SAGE1: variants seen among roughly 807,000 people sequenced by gnomAD.
SAGE1 encodes the protein sarcoma antigen 1.
A neutral mutation model predicts 55.4 loss-of-function variants in SAGE1; 55 were observed. The ratio of observed to expected loss-of-function variants is 0.99; its 90% CI spans 0.80 to 1.24. The LOEUF (loss-of-function observed/expected upper bound fraction) is 1.24. SAGE1 is among the 50% of genes most tolerant of loss of function. The pLI is 0.00. For missense variants in SAGE1, 710 were observed against 704.4 expected, an observed-to-expected ratio of 1.01 and a Z score of -0.09; for synonymous variants, 240 against 244.3, an observed-to-expected ratio of 0.98 and a Z score of 0.17.
chrX:135,911,912 T>G lies in SAGE1; in HGVS notation c.2480T>G (p.Ile827Arg), dbSNP rs1157580538. 7.5e-6 allele frequency: 9 copies of G among 1,207,783 alleles called. No homozygotes were observed. Among genetic ancestry groups the G allele is most frequent in the Non-Finnish European group, 1.0e-5 (9 of 893,271 alleles). Reference protein sequence around the residue: ...PAMAKKINDDIKYQLMKEVRR... With the variant: ...PAMAKKINDDRKYQLMKEVRR... ...ATGGCAAAGAAAATTAATGATGATA[T>G]AAAATATCAATTAATGAAAGAAGTT... Residue 827 changes from isoleucine (I) to arginine (R), a missense_variant, in exon 18 of 20, where the codon ATA (isoleucine) becomes AGA (arginine). Coordinates refer to ENST00000370709, the MANE Select transcript of SAGE1 (RefSeq NM_001381902.1).
At position 135,911,776 on chromosome X, in the gene SAGE1, A is replaced by G. The variant is rs2088902910; in HGVS notation, c.2344A>G (p.Asn782Asp). 8.3e-7 allele frequency: 1 copy of G among 1,209,656 alleles called. No individual in the cohort carries two copies. Among genetic ancestry groups the G allele is most frequent in the African/African-American group, 1.7e-5 (1 of 57,250 alleles). ...KDELLYKPDS[N>D]EFAVGTKNYS... ...TGAGCTGCTTTACAAACCTGATAGT[A>G]ATGAATTTGCGGTAGGCACCAAAAA... is the stretch of plus-strand genomic sequence containing the variant. The change falls in exon 18 of 20, where the codon AAT (asparagine) becomes GAT (aspartate). Residue 782 changes from asparagine (N) to aspartate (D), a missense_variant. Physicochemically the swap from Asn to Asp is conservative, Grantham distance 23. Coordinates refer to ENST00000370709, the MANE Select transcript of SAGE1 (RefSeq NM_001381902.1).
Position 135,912,406 on chromosome X carries a change from A to G in SAGE1, c.2607A>G (p.Glu869=). The change falls in exon 19 of 20, where the codon GAA becomes GAG. Residue 869 remains glutamate, a synonymous_variant. Coordinates refer to ENST00000370709, the MANE Select transcript of SAGE1 (RefSeq NM_001381902.1). ...AATTTGTTGAATTTACCATCAAGGA[A>G]GCAGCAAGGTGAGTGCAAAAAGGAA... ...KRQFVEFTIK[E]AARFKKVVLI... 1 of 1,206,578 alleles carries G rather than the reference A, an allele frequency of 8.3e-7. No individual in the cohort carries two copies. Among genetic ancestry groups the G allele is most frequent in the Non-Finnish European group, 1.1e-6 (1 of 893,821 alleles).
Position 135,911,679 on chromosome X carries a change from T to A in SAGE1, c.2247T>A (p.Asn749Lys). The A allele has an allele frequency of 8.3e-7, 1 of 1,209,551 alleles. No homozygotes were observed. The highest frequency in any genetic ancestry group is 1.1e-6 in the Non-Finnish European group (1 of 893,407). ...LSNSDSPELINMTGHCMPPNA... is the reference protein window; with the variant it reads ...LSNSDSPELIKMTGHCMPPNA... ...ATTCTGATTCACCAGAGCTGATAAA[T>A]ATGACAGGACATTGTATGCCACCCA... The change falls in exon 18 of 20, where the codon AAT becomes AAA. Residue 749 changes from asparagine to lysine, a missense_variant. Transcript: ENST00000370709.
At chrX:135,906,902 T>C in intron 7 of SAGE1, 24 bp from the exon 8 acceptor site, 1 of 1,204,202 alleles carries the variant, frequency 8.3e-7, no homozygotes, top group South Asian at 1.8e-5. Flanking sequence ...ACCTAACAGC[T>C]CAGCCTCTTC....
rs782097834 is a variant in SAGE1, at chrX:135,906,508, T to C, written c.693T>C (p.Asn231=). 2.5e-6 allele frequency: 3 copies of C among 1,210,809 alleles called. No homozygotes were observed. Among genetic ancestry groups the C allele is most frequent in the South Asian group, 1.8e-5 (1 of 56,784 alleles). ...TGACTCTTCGACCACGGCGTATTAA[T>C]ATGACAGACACTGGTATTTCACCCA... is the stretch of plus-strand genomic sequence containing the variant. ...VLLTLRPRRI[N]MTDTGISPMS... is the part of the protein sequence containing the mutation. The change falls in exon 7 of 20, where the codon AAT becomes AAC. Residue 231 remains asparagine, a synonymous_variant. Transcript: ENST00000370709.
At chrX:135,896,523 A>ATTTATTTTATTTTAT (rs782590619) in intron 2 of SAGE1, among the ~76,000 whole-genome samples, 194 bp downstream of exon 2, 48 of 103,862 alleles carry the variant, frequency 4.6e-4, no homozygotes, top group Non-Finnish European at 7.7e-4. Context: ...CTAGGAACTG[A>ATTTATTTTATTTTAT]TTTATTTTAT....
chrX:135,900,014 G>T (rs1556595557), intron 2 of SAGE1, among the ~76,000 whole-genome samples: 1 of 110,926 alleles, frequency 9.0e-6, no homozygotes, highest in African/African-American at 3.3e-5. Flanking sequence ...CCCCTGGACA[G>T]AACGTGTAAT....
intron 13 of SAGE1, 152 bp downstream of exon 13, chrX:135,909,156 T>G (rs1678591092): frequency 1.0e-5 from 5 of 498,835 alleles, no homozygotes; most frequent in South Asian, 4.5e-5. Flanking sequence ...CCAGCTTTCT[T>G]AGATAATTTC....
In SAGE1 at chrX:135,906,500, C is replaced by T. The variant is rs181135819; in HGVS notation, c.685C>T (p.Arg229Cys). The T allele has an allele frequency of 2.2e-5, 26 of 1,208,751 alleles. 1 individual carries two copies. Among genetic ancestry groups the T allele is most frequent in the South Asian group, 1.6e-4 (9 of 56,635 alleles). The change falls in exon 7 of 20, where the codon CGT becomes TGT. Residue 229 changes from arginine (R) to cysteine (C), a missense_variant. Transcript: ENST00000370709. The stretch of plus-strand genomic sequence containing the variant: ...CGTGTTGTTGACTCTTCGACCACGG[C>T]GTATTAATATGACAGACACTGGTAT... ...DNVLLTLRPR[R>C]INMTDTGISP...
At chrX:135,902,099 A>G (rs1217188036) in intron 3 of SAGE1, among the ~76,000 whole-genome samples, 3 of 111,294 alleles carry the variant, frequency 2.7e-5, no homozygotes. Flanking sequence ...TGGATTTCTT[A>G]CCCTGTTACT....
At chrX:135,904,219 C>G (rs782348533) in intron 3 of SAGE1, among the ~76,000 whole-genome samples, 11 of 111,565 alleles carry the variant, frequency 9.9e-5, no homozygotes, top group Non-Finnish European at 1.9e-4. Flanking sequence ...TACCAGGGAC[C>G]AGTGTAAATT....
Position 135,911,613 on chromosome X carries a change from G to A in SAGE1, c.2181G>A (p.Glu727=). ...ATVIHDIQEE[E]MENDQTPPDG... Reference sequence around the variant, plus strand: ...TCATTCACGATATCCAGGAGGAGGAGATGGAAAATGATCAAACCCCTCCTG... The same window carrying A: ...TCATTCACGATATCCAGGAGGAGGAAATGGAAAATGATCAAACCCCTCCTG... The change falls in exon 18 of 20, where the codon GAG becomes GAA. Residue 727 remains glutamate, a synonymous_variant. Transcript: ENST00000370709. 8.3e-7 allele frequency: 1 copy of A among 1,207,070 alleles called. No individual in the cohort carries two copies. The highest frequency in any genetic ancestry group is 1.1e-6 in the Non-Finnish European group (1 of 891,801).
chrX:135,900,472 AGGTTTT>A (rs1324054592), intron 2 of SAGE1, among the ~76,000 whole-genome samples: 1 of 110,993 alleles, frequency 9.0e-6, no homozygotes, highest in African/African-American at 3.3e-5. Flanking sequence ...TATCTCTGCC[AGGTTTT>A]GGTATCAGGG....
In SAGE1 at chrX:135,896,337, A is replaced by G; in HGVS notation, c.87+8A>G. 1 of 1,129,488 alleles carries G rather than the reference A, an allele frequency of 8.9e-7. No homozygotes were observed. Among genetic ancestry groups the G allele is most frequent in the Non-Finnish European group, 1.2e-6 (1 of 821,638 alleles). 93.1% of individuals were successfully genotyped at this position (1,129,488 alleles called of 1,213,427 possible). On this transcript the variant is annotated splice_region_variant and intron_variant, in intron 2 of 19. Transcript: ENST00000370709. Reference sequence around the variant, plus strand: ...TTTACAAATGATGGGCAGGTAAGATAACTCTTTCTATTTCTGCCCTAATTG... The same window carrying G: ...TTTACAAATGATGGGCAGGTAAGATGACTCTTTCTATTTCTGCCCTAATTG...
chrX:135,895,768 C>T (rs1428883548), intron 1 of SAGE1, among the ~76,000 whole-genome samples: 2 of 111,712 alleles, frequency 1.8e-5, no homozygotes, highest in Non-Finnish European at 3.8e-5. Flanking sequence ...ATAACTAGAA[C>T]AGTGTATATG....
In SAGE1 at chrX:135,911,694, T is replaced by C; in HGVS notation, c.2262T>C (p.Cys754=). The part of the protein sequence containing the change: ...SPELINMTGH[C]MPPNALDSFS... Reference sequence around the variant, plus strand: ...AGCTGATAAATATGACAGGACATTGTATGCCACCCAATGCATTGGATTCTT... The same window carrying C: ...AGCTGATAAATATGACAGGACATTGCATGCCACCCAATGCATTGGATTCTT... Residue 754 remains cysteine, a synonymous_variant, in exon 18 of 20, where the codon TGT becomes TGC. Coordinates refer to ENST00000370709, the MANE Select transcript of SAGE1 (RefSeq NM_001381902.1). 8.3e-7 allele frequency: 1 copy of C among 1,206,902 alleles called. No homozygotes were observed. The highest frequency in any genetic ancestry group is 1.8e-5 in the South Asian group (1 of 56,861).
intron 3 of SAGE1, among the ~76,000 whole-genome samples, chrX:135,902,564 G>A (rs1238670902): frequency 1.8e-5 from 2 of 112,045 alleles, no homozygotes; most frequent in African/African-American, 3.2e-5. Flanking sequence ...GCTATCCATC[G>A]GGCAAATAAT....
At chrX:135,894,229 C>T (rs1428769007) in intron 1 of SAGE1, among the ~76,000 whole-genome samples, 6 of 111,858 alleles carry the variant, frequency 5.4e-5, no homozygotes, top group Non-Finnish European at 1.1e-4. Flanking sequence ...TGCGCCACCA[C>T]GCCCAGCTAA....
In SAGE1 at chrX:135,912,059, G is replaced by C; in HGVS notation, c.2521+106G>C. The C allele has an allele frequency of 1.2e-5, 13 of 1,126,275 alleles. No homozygotes were observed. In the South Asian group the frequency reaches 3.0e-4, roughly 26 times the overall value. 92.8% of individuals were successfully genotyped at this position (1,126,275 alleles called of 1,213,427 possible). A position where few individuals can be genotyped will look rare whatever the true frequency, so the allele number is the denominator to read the frequency against. Reference sequence around the variant, plus strand: ...TTGAGCTCATTGTTTGGCTGAATTGGATCTATATATAATTTAGCATGGCTT... The same window carrying C: ...TTGAGCTCATTGTTTGGCTGAATTGCATCTATATATAATTTAGCATGGCTT... On this transcript the variant is annotated intron_variant, in intron 18 of 19. Transcript: ENST00000370709.
Sources: allele counts gnomAD v4.1 joint callset (sites outside exome capture counted in the v4.1 genomes callset), GRCh38; gene constraint gnomAD v4.1.1; transcripts MANE v1.5; gene names NCBI Gene and HGNC (gene_info 2026-07-23, HGNC 2026-07-21).